Variants in GABRR2 observed in about 807,000 individuals in gnomAD.
The protein encoded by GABRR2 is gamma-aminobutyric acid receptor subunit rho-2.
GABRR2 carries 36 observed loss-of-function variants against 47.0 expected under a neutral mutation model. The ratio of observed to expected loss-of-function variants is 0.77; its 90% CI spans 0.59 to 1.01. GABRR2 has a LOEUF of 1.01. Among genes scored for constraint, GABRR2 ranks in the 50% least tolerant of loss-of-function variants. The probability of loss-of-function intolerance (pLI) is 0.00; values close to 1 mark genes in which losing one functional copy is unlikely to be tolerated. For missense variants in GABRR2, 587 were observed against 594.6 expected, an observed-to-expected ratio of 0.99 and a Z score of 0.13; for synonymous variants, 204 against 227.5, an observed-to-expected ratio of 0.90 and a Z score of 0.93.
intron 1 of GABRR2, among the ~76,000 whole-genome samples, chr6:89,309,292 T>A (rs1413909846): frequency 6.6e-6 from 1 of 151,964 alleles, no homozygotes; most frequent in East Asian, 1.9e-4. Flanking sequence ...GGTGGTGAGG[T>A]AACTGAGGCT....
chr6:89,270,053 G>A (rs985938885), intron 3 of GABRR2, among the ~76,000 whole-genome samples: 4 of 152,208 alleles, frequency 2.6e-5, no homozygotes, highest in African/African-American at 4.8e-5. Context: ...AGGAAAGAAT[G>A]AGTGAGCACT....
chr6:89,310,452 C>T (rs974180948), intron 1 of GABRR2, among the ~76,000 whole-genome samples: 1 of 152,152 alleles, frequency 6.6e-6, no homozygotes, highest in African/African-American at 2.4e-5. Flanking sequence ...ATTCTTCACC[C>T]CATCCCTTAA....
chr6:89,260,427 G>A (rs943217028), intron 8 of GABRR2, among the ~76,000 whole-genome samples: 8 of 152,178 alleles, frequency 5.3e-5, no homozygotes, highest in Non-Finnish European at 1.5e-5. Context: ...TTCCCAGATT[G>A]GCTTGCTTCT....
chr6:89,268,658 G>GT (rs951908107), intron 4 of GABRR2, among the ~76,000 whole-genome samples: 3 of 23,568 alleles, frequency 1.3e-4, no homozygotes, highest in South Asian at 1.1e-3. Flanking sequence ...TTGGGGGACG[G>GT]GGGGGGGCTT....
chr6:89,279,017 C>A (rs1274914985), intron 2 of GABRR2, among the ~76,000 whole-genome samples: 2 of 152,134 alleles, frequency 1.3e-5, no homozygotes, highest in African/African-American at 4.8e-5. Context: ...TGCTGTGGCT[C>A]ACAGTATGGG....
At chr6:89,283,985 A>G (rs979674264) in intron 2 of GABRR2, among the ~76,000 whole-genome samples, 2 of 152,192 alleles carry the variant, frequency 1.3e-5, no homozygotes, top group African/African-American at 2.4e-5. Context: ...TAGGAGCCTC[A>G]GAGAGACAGA....
At chr6:89,291,202 T>C (rs1774434357) in intron 2 of GABRR2, among the ~76,000 whole-genome samples, 1 of 152,032 alleles carries the variant, frequency 6.6e-6, no homozygotes, top group Non-Finnish European at 1.5e-5. Context: ...CTCAGGTCCC[T>C]CCATTTCTTT....
At chr6:89,273,449 G>T (rs142501329) in intron 2 of GABRR2, among the ~76,000 whole-genome samples, 2,130 of 152,304 alleles carry the variant, frequency 0.014, 54 homozygotes, top group African/African-American at 0.047. Context: ...TGGTCAGGCT[G>T]GTCTCAAACT....
At position 89,257,996 on chromosome 6, in the gene GABRR2, C is replaced by G; in HGVS notation, c.1087-15G>C. ...ATGCACGGGAACTATGGGCAGCAAG[C>G]ACAAAGAACATCATTAAGCCTTGTG... On this transcript the variant is annotated splice_polypyrimidine_tract_variant and intron_variant, in intron 8 of 8. Coordinates refer to ENST00000402938, the MANE Select transcript of GABRR2 (RefSeq NM_002043.5). The G allele has an allele frequency of 6.2e-7, 1 of 1,607,530 alleles. No homozygotes were observed. The highest frequency in any genetic ancestry group is 8.5e-7 in the Non-Finnish European group (1 of 1,176,716).
At chr6:89,272,905 A>G (rs1314532783) in intron 2 of GABRR2, among the ~76,000 whole-genome samples, 2 of 152,180 alleles carry the variant, frequency 1.3e-5, no homozygotes, top group East Asian at 3.9e-4. Flanking sequence ...GCCCAAATGC[A>G]GGGTAGAGGT....
chr6:89,314,922 A>G (rs908064651), intron 1 of GABRR2, 131 bp downstream of exon 1: 14 of 745,176 alleles, frequency 1.9e-5, no homozygotes, highest in Non-Finnish European at 3.2e-5. Context: ...CGTTCAGTGA[A>G]GTAGCTGGGT....
intron 2 of GABRR2, among the ~76,000 whole-genome samples, chr6:89,288,443 C>A (rs1774371006): frequency 6.6e-6 from 1 of 152,072 alleles, no homozygotes; most frequent in Non-Finnish European, 1.5e-5. Context: ...CATGAAAACA[C>A]CTTCGAGTGT....
chr6:89,301,173 G>T (rs186361213), intron 1 of GABRR2, among the ~76,000 whole-genome samples: 2 of 126,204 alleles, frequency 1.6e-5, no homozygotes, highest in Admixed American at 1.8e-4. Context: ...AGAGGCTTTC[G>T]ATAAAATTCA....
At chr6:89,260,743 T>C (rs1468448078) in intron 8 of GABRR2, among the ~76,000 whole-genome samples, 5 of 152,178 alleles carry the variant, frequency 3.3e-5, no homozygotes, top group African/African-American at 1.2e-4. Flanking sequence ...AGGGAATCTA[T>C]TTTTTGAGAC....
chr6:89,280,211 A>AATATATATATAT lies in GABRR2; in HGVS notation c.221-8501_221-8490dup, dbSNP rs35295435. ...ATGACAGAGACTTAGTCTAAAAACA[A>AATATATATATAT]ATATATATATATATATATATATATA... On this transcript the variant is annotated intron_variant, in intron 2 of 8. Transcript: ENST00000402938. Among the ~76,000 whole-genome samples the AATATATATATAT allele has an allele frequency of 1.9e-3, 206 of 110,294 alleles. 1 individual carries two copies. Among genetic ancestry groups the AATATATATATAT allele is most frequent in the South Asian group, 3.6e-3 (12 of 3,372 alleles). 72.4% of individuals were successfully genotyped at this position (110,294 alleles called of 152,430 possible).
intron 4 of GABRR2, 24 bp from the exon 5 acceptor site, chr6:89,268,120 T>G (rs1315256726): frequency 5.1e-6 from 8 of 1,578,628 alleles, no homozygotes; most frequent in Non-Finnish European, 6.9e-6. Context: ...AGTCACATAT[T>G]GGCTTGTGCG....
chr6:89,307,085 A>G (rs1767580850), intron 1 of GABRR2, among the ~76,000 whole-genome samples: 1 of 152,222 alleles, frequency 6.6e-6, no homozygotes, highest in Non-Finnish European at 1.5e-5. Flanking sequence ...CACACAAACA[A>G]CTTCTAGGAG....
At position 89,307,814 on chromosome 6, in the gene GABRR2, C is replaced by CTT. The variant is rs1247224346; in HGVS notation, c.113+7237_113+7238dup. Among the ~76,000 whole-genome samples, 630 of 125,274 alleles carry CTT rather than the reference C, an allele frequency of 5.0e-3. 18 individuals are homozygous for CTT. The highest frequency in any genetic ancestry group is 0.016 in the African/African-American group (505 of 31,572). The allele number at this position is 125,274 out of a possible 152,430, so 82.2% of individuals were successfully genotyped here. A position where few individuals can be genotyped will look rare whatever the true frequency, so the allele number is the denominator to read the frequency against. On this transcript the variant is annotated intron_variant, in intron 1 of 8. Transcript: ENST00000402938. The stretch of plus-strand genomic sequence containing the variant: ...CCCTGTTCTTGTCAAACTTCATTCA[C>CTT]TTTTTTTTTTTTTTTTTTTTTGAGA...
At chr6:89,267,363 C>T (rs1004689916) in intron 6 of GABRR2, among the ~76,000 whole-genome samples, 5 of 151,840 alleles carry the variant, frequency 3.3e-5, no homozygotes, top group South Asian at 2.1e-4. Flanking sequence ...TCCAGGAGTT[C>T]GAGACCAGCT....
Sources: gnomAD v4.1 joint callset for allele counts (sites outside exome capture counted in the v4.1 genomes callset) on GRCh38, gnomAD v4.1.1 for gene constraint, MANE v1.5 for transcripts, NCBI Gene and HGNC (gene_info 2026-07-23, HGNC 2026-07-21) for gene names.